DLG2: variants seen among roughly 807,000 people sequenced by gnomAD.
DLG2 encodes the protein discs large MAGUK scaffold protein 2.
DLG2 carries 45 observed loss-of-function variants against 132.5 expected under a neutral mutation model. That is an observed-to-expected ratio of 0.34 (90% CI 0.27 to 0.44). The LOEUF is 0.44. Among genes scored for constraint, DLG2 ranks in the 20% least tolerant of loss-of-function variants. The pLI is 1.00. For synonymous variants in DLG2, 424 were observed against 419.6 expected (o/e 1.01, Z -0.13); for missense variants, 1,045 against 1,196.9 (o/e 0.87, Z 1.87).
At chr11:85,280,305 T>A (rs2078148317) in intron 4 of DLG2, among the ~76,000 whole-genome samples, 1 of 152,036 alleles carries the variant, frequency 6.6e-6, no homozygotes, top group Non-Finnish European at 1.5e-5. Context: ...GATAGCTTAT[T>A]TATTCTTCAC....
At chr11:85,533,472 T>A (rs2075359611) in intron 3 of DLG2, among the ~76,000 whole-genome samples, 1 of 148,324 alleles carries the variant, frequency 6.7e-6, no homozygotes, top group Non-Finnish European at 1.5e-5. Context: ...TATATATATA[T>A]ATATAATTCT....
At chr11:84,593,374 G>A (rs2099548740) in intron 6 of DLG2, among the ~76,000 whole-genome samples, 1 of 152,090 alleles carries the variant, frequency 6.6e-6, no homozygotes, top group Non-Finnish European at 1.5e-5. Flanking sequence ...GTTCACAACA[G>A]CAAAGACTTG....
intron 6 of DLG2, among the ~76,000 whole-genome samples, chr11:85,017,967 T>G (rs996543416): frequency 4.6e-5 from 7 of 152,170 alleles, no homozygotes; most frequent in African/African-American, 1.7e-4. Flanking sequence ...TCATTTCTCT[T>G]GGAAAACTGA....
At chr11:85,087,856 A>AAAAAAAAAAAAAAC (rs2068177570) in intron 6 of DLG2, among the ~76,000 whole-genome samples, 3 of 148,082 alleles carry the variant, frequency 2.0e-5, no homozygotes, top group Admixed American at 6.8e-5. Flanking sequence ...AAAAAAAAAA[A>AAAAAAAAAAAAAAC]AAAAAAAAAA....
At chr11:84,313,641 A>AAAAGAAAAAGAAAGAAAG (rs1555500590) in intron 7 of DLG2, among the ~76,000 whole-genome samples, 1 of 129,180 alleles carries the variant, frequency 7.7e-6, no homozygotes, top group Non-Finnish European at 1.6e-5. Context: ...GAAAGAGAGA[A>AAAAGAAAAAGAAAGAAAG]AAAGAAAGAA....
At chr11:83,980,029 CTTCTT>C (rs1176789034) in intron 12 of DLG2, among the ~76,000 whole-genome samples, 1 of 152,162 alleles carries the variant, frequency 6.6e-6, no homozygotes, top group African/African-American at 2.4e-5. Flanking sequence ...TCTGCTGTCT[CTTCTT>C]TTCAATTTTT....
intron 3 of DLG2, among the ~76,000 whole-genome samples, chr11:85,396,148 C>G (rs1037084466): frequency 6.6e-6 from 1 of 152,184 alleles, no homozygotes; most frequent in Non-Finnish European, 1.5e-5. Context: ...AGTGGACCTA[C>G]AGCAAACTCC....
intron 6 of DLG2, among the ~76,000 whole-genome samples, chr11:85,058,623 C>A (rs1233738607): frequency 1.3e-5 from 2 of 151,326 alleles, no homozygotes; most frequent in Non-Finnish European, 3.0e-5. Flanking sequence ...ACTTACACTA[C>A]CAGATATTAA....
chr11:85,598,735 G>C lies in DLG2; in HGVS notation c.-39C>G. On this transcript the variant is annotated 5_prime_UTR_variant, in exon 3 of 28. Coordinates refer to ENST00000376104, the MANE Select transcript of DLG2 (RefSeq NM_001142699.3). ...GCATTTTTCAACAGCTGCTCCTCTGGTTTCCTTAATTTTTTGCAGTATTCT... is the reference window on the plus strand; with the variant it reads ...GCATTTTTCAACAGCTGCTCCTCTGCTTTCCTTAATTTTTTGCAGTATTCT... The C allele has an allele frequency of 5.1e-6, 8 of 1,558,108 alleles. No individual in the cohort carries two copies. The highest frequency in any genetic ancestry group is 6.9e-6 in the Non-Finnish European group (8 of 1,154,612).
rs377679098 is a variant in DLG2, at chr11:84,081,966, A to G, written c.749+16957T>C. 5.3e-5 allele frequency among the ~76,000 whole-genome samples: 8 copies of G among 152,106 alleles called. No homozygotes were observed. The East Asian group carries it at 1.2e-3, about 22-fold the overall frequency. ...TATGTAAAAGCTTTCCTATTTCTCCATATGCTCTCCAGCACCTGTTGTTTC... is the reference window on the plus strand; with the variant it reads ...TATGTAAAAGCTTTCCTATTTCTCCGTATGCTCTCCAGCACCTGTTGTTTC... On this transcript the variant is annotated intron_variant, in intron 10 of 27. Transcript: ENST00000376104.
chr11:84,458,151 G>A (rs1397817108), intron 7 of DLG2, among the ~76,000 whole-genome samples: 2 of 150,740 alleles, frequency 1.3e-5, no homozygotes, highest in Non-Finnish European at 3.0e-5. Context: ...ACCATCTAAT[G>A]TGCTTCAGAG....
At chr11:85,410,778 A>C (rs72951961) in intron 3 of DLG2, among the ~76,000 whole-genome samples, 7,448 of 151,950 alleles carry the variant, frequency 0.049, 237 homozygotes, top group East Asian at 0.095. Flanking sequence ...GATGTGTTAC[A>C]GGGGAGAAAT....
intron 9 of DLG2, among the ~76,000 whole-genome samples, chr11:84,109,903 A>G (rs931432657): frequency 5.3e-5 from 8 of 152,136 alleles, no homozygotes; most frequent in African/African-American, 1.9e-4. Context: ...CTGCCTCCCC[A>G]TCGGTCCCTA....
intron 6 of DLG2, among the ~76,000 whole-genome samples, chr11:84,894,823 C>A (rs1431311950): frequency 1.3e-5 from 2 of 152,100 alleles, no homozygotes; most frequent in Non-Finnish European, 2.9e-5. Flanking sequence ...CAATCTCCTG[C>A]CTCTGGCCTA....
At chr11:84,253,078 CTAGT>C (rs2097410877) in intron 7 of DLG2, among the ~76,000 whole-genome samples, 1 of 152,094 alleles carries the variant, frequency 6.6e-6, no homozygotes, top group African/African-American at 2.4e-5. Context: ...AATGGATCAA[CTAGT>C]TAGTCATAAT....
chr11:83,637,394 C>T (rs1309133065), intron 18 of DLG2, among the ~76,000 whole-genome samples: 4 of 152,130 alleles, frequency 2.6e-5, no homozygotes, highest in African/African-American at 7.2e-5. Context: ...ATTTACTGAG[C>T]ACCTGCAATG....
At chr11:84,226,017 G>A (rs1194603137) in intron 8 of DLG2, among the ~76,000 whole-genome samples, 2 of 152,118 alleles carry the variant, frequency 1.3e-5, no homozygotes, top group African/African-American at 2.4e-5. Flanking sequence ...CCCCATGTTG[G>A]CCAGGCTGGT....
chr11:84,169,308 G>A (rs571558689), intron 8 of DLG2, among the ~76,000 whole-genome samples: 1 of 150,358 alleles, frequency 6.7e-6, no homozygotes, highest in African/African-American at 2.4e-5. Flanking sequence ...TAACTGTCTG[G>A]CACAAAGCAG....
chr11:84,868,028 C>A (rs1453621351), intron 6 of DLG2, among the ~76,000 whole-genome samples: 1 of 151,282 alleles, frequency 6.6e-6, no homozygotes, highest in African/African-American at 2.4e-5. Flanking sequence ...GAGCTGAGAT[C>A]GCGCCACTGC....
Sources: allele counts gnomAD v4.1 joint callset (sites outside exome capture counted in the v4.1 genomes callset), GRCh38; gene constraint gnomAD v4.1.1; transcripts MANE v1.5; gene names NCBI Gene and HGNC (gene_info 2026-07-23, HGNC 2026-07-21).